Variants in FER1L5 observed in about 807,000 individuals in gnomAD.
FER1L5 encodes fer-1-like protein 5.
FER1L5 carries 187 observed loss-of-function variants against 279.9 expected under a neutral mutation model. The ratio of observed to expected loss-of-function variants is 0.67; its 90% CI spans 0.59 to 0.75. FER1L5 has a LOEUF of 0.75. Ranked by LOEUF, FER1L5 falls within the 30% of genes least tolerant of loss-of-function variation. FER1L5 has a pLI of 0.00. For missense variants in FER1L5, 2,091 were observed against 2,594.4 expected (o/e 0.81, Z 4.21); for synonymous variants, 921 against 989.7 (o/e 0.93, Z 1.30).
intron 19 of FER1L5, among the ~76,000 whole-genome samples, chr2:96,679,599 C>T (rs1240820183): frequency 6.6e-6 from 1 of 152,184 alleles, no homozygotes; most frequent in Non-Finnish European, 1.5e-5. Flanking sequence ...TGTGAATATC[C>T]AGTTGTTCAA....
intron 19 of FER1L5, among the ~76,000 whole-genome samples, chr2:96,673,559 C>T (rs1407323993): frequency 6.6e-6 from 1 of 152,098 alleles, no homozygotes. Flanking sequence ...CCATCCTCCA[C>T]CCACCAATTC....
In FER1L5 at chr2:96,685,943, C is replaced by A. The variant is rs1422323914; in HGVS notation, c.1899C>A (p.Arg633=). 7 of 1,535,914 alleles carry A rather than the reference C, an allele frequency of 4.6e-6. No homozygotes were observed. The African/African-American group carries it at 8.2e-5, about 18-fold the overall frequency. Residue 633 remains arginine (R), a synonymous_variant, in exon 22 of 53, where the codon CGC becomes CGA. Transcript: ENST00000624922. ...TGCTACCCTGTCCTGGCCACAGGCG[C>A]CCTCTGCCCTGCATGACCTATCAGC... ...LLRELAEDCK[R]PLPCMTYQPK...
In FER1L5 at chr2:96,704,811, T is replaced by C; in HGVS notation, c.*119T>C. 1 of 778,520 alleles carries C rather than the reference T, an allele frequency of 1.3e-6. No homozygotes were observed. Among genetic ancestry groups the C allele is most frequent in the Non-Finnish European group, 2.1e-6 (1 of 484,422 alleles). 48.2% of individuals were successfully genotyped at this position (778,520 alleles called of 1,614,324 possible). ...AAGATGCTAGGAATATTCTGGCTATTGTGTTCAGAAATCACTTTCAACAAG... is the reference window on the plus strand; with the variant it reads ...AAGATGCTAGGAATATTCTGGCTATCGTGTTCAGAAATCACTTTCAACAAG... On this transcript the variant is annotated 3_prime_UTR_variant, in exon 53 of 53. Coordinates refer to ENST00000624922, the MANE Select transcript of FER1L5 (RefSeq NM_001293083.2).
chr2:96,656,835 T>C lies in FER1L5; in HGVS notation c.747+2339T>C, dbSNP rs952741595. ...GTGTTTTCTCTGGTCTGGGTTTTGC[T>C]GATTTCATCTTCAGGGAATCATTTT... On this transcript the variant is annotated intron_variant, in intron 9 of 52. Coordinates refer to ENST00000624922, the MANE Select transcript of FER1L5 (RefSeq NM_001293083.2). 2.0e-5 allele frequency among the ~76,000 whole-genome samples: 3 copies of C among 151,488 alleles called. No individual in the cohort carries two copies. The East Asian group carries it at 5.8e-4, about 29-fold the overall frequency.
At chr2:96,650,090 T>C in intron 5 of FER1L5, 90 bp from the exon 6 acceptor site, 1 of 998,076 alleles carries the variant, frequency 1.0e-6, no homozygotes, top group East Asian at 2.6e-5. Context: ...CAGGAGATGG[T>C]CACTGGGGAC....
At chr2:96,696,746 C>T (rs1056477247) in intron 37 of FER1L5, among the ~76,000 whole-genome samples, 2 of 151,022 alleles carry the variant, frequency 1.3e-5, no homozygotes, top group Non-Finnish European at 3.0e-5. Flanking sequence ...ACTAAAAATA[C>T]AAAAAAAAAT....
Position 96,642,927 on chromosome 2 carries a change from A to C in FER1L5, c.85+6A>C, listed in dbSNP as rs762845947. The C allele has an allele frequency of 3.9e-6, 6 of 1,549,784 alleles. No individual in the cohort carries two copies. In the South Asian group the frequency reaches 7.2e-5, roughly 18 times the overall value. ...CATGTCCATCGACTTCAGAGGTGAG[A>C]GCCTCCCTGGGTCCACATGGGAGAG... On this transcript the variant is annotated splice_donor_region_variant and intron_variant, in intron 1 of 52. Coordinates refer to ENST00000624922, the MANE Select transcript of FER1L5 (RefSeq NM_001293083.2).
chr2:96,661,572 C>A, intron 11 of FER1L5, 96 bp from the exon 12 acceptor site: 4 of 1,530,912 alleles, frequency 2.6e-6, no homozygotes, highest in Non-Finnish European at 3.5e-6. Context: ...GTCCCATCCC[C>A]CCTGCACCAA....
At chr2:96,658,793 T>A (rs1199506560) in intron 9 of FER1L5, among the ~76,000 whole-genome samples, 3 of 152,174 alleles carry the variant, frequency 2.0e-5, no homozygotes, top group Non-Finnish European at 2.9e-5. Context: ...TCTTTTCATG[T>A]GCCTGTCATC....
chr2:96,678,231 C>T (rs1243875019), intron 19 of FER1L5, among the ~76,000 whole-genome samples: 2 of 150,572 alleles, frequency 1.3e-5, no homozygotes, highest in African/African-American at 4.9e-5. Flanking sequence ...CGGGTTCAAG[C>T]AATTCTCTTT....
chr2:96,682,671 A>T (rs1467159312), intron 19 of FER1L5, among the ~76,000 whole-genome samples: 4 of 152,144 alleles, frequency 2.6e-5, no homozygotes, highest in Admixed American at 1.3e-4. Flanking sequence ...CCAAGCAGGG[A>T]CCACTTTATT....
chr2:96,661,326 T>C lies in FER1L5; in HGVS notation c.780T>C (p.Gly260=). Residue 260 remains glycine (G), a splice_region_variant and synonymous_variant, in exon 11 of 53, where the codon GGT becomes GGC. Transcript: ENST00000624922. ...TDIGFIYHSP[G]HTLLRKWLGL... is the part of the protein sequence containing the mutation. ...CCCATGGCCTTTCTGCCTCTCTAGG[T>C]CACACACTCCTAAGGAAATGGCTAG... is the stretch of plus-strand genomic sequence containing the variant. 6.5e-7 allele frequency: 1 copy of C among 1,539,100 alleles called. No homozygotes were observed. Among genetic ancestry groups the C allele is most frequent in the Non-Finnish European group, 8.8e-7 (1 of 1,141,168 alleles).
chr2:96,691,078 G>C lies in FER1L5; in HGVS notation c.2744-112G>C. ...CTCCTTTCCACACCTCAGGGCCAGA[G>C]ACCTGGATGTGAGGGAAGTAATGCC... On this transcript the variant is annotated intron_variant, in intron 27 of 52. Coordinates refer to ENST00000624922, the MANE Select transcript of FER1L5 (RefSeq NM_001293083.2). The surrounding 1 kb of genome is among the most constrained non-coding windows in gnomAD (Gnocchi z 6.0). 7.5e-7 allele frequency: 1 copy of C among 1,333,314 alleles called. No individual in the cohort carries two copies. Among genetic ancestry groups the C allele is most frequent in the South Asian group, 1.5e-5 (1 of 65,702 alleles). The allele number at this position is 1,333,314 out of a possible 1,614,324, so 82.6% of individuals were successfully genotyped here.
intron 19 of FER1L5, among the ~76,000 whole-genome samples, chr2:96,677,507 G>A (rs2076551379): frequency 6.6e-6 from 1 of 152,118 alleles, no homozygotes; most frequent in African/African-American, 2.4e-5. Context: ...TCGTATGGGT[G>A]TACCATCCAT....
intron 14 of FER1L5, among the ~76,000 whole-genome samples, chr2:96,667,928 A>G (rs570486986): frequency 1.6e-3 from 247 of 152,070 alleles, no homozygotes; most frequent in Middle Eastern, 6.8e-3. Flanking sequence ...TGGCACGATC[A>G]TGGTTCACTG....
At chr2:96,659,415 T>TTCTG (rs2075816803) in intron 9 of FER1L5, among the ~76,000 whole-genome samples, 2 of 6,802 alleles carry the variant, frequency 2.9e-4, no homozygotes, top group African/African-American at 9.3e-4. Flanking sequence ...CTTTCTTTCT[T>TTCTG]TCTTTCTTTC....
At position 96,647,824 on chromosome 2, in the gene FER1L5, C is replaced by G; in HGVS notation, c.277C>G (p.Pro93Ala). 1.3e-6 allele frequency: 2 copies of G among 1,551,780 alleles called. No individual in the cohort carries two copies. The highest frequency in any genetic ancestry group is 1.7e-6 in the Non-Finnish European group (2 of 1,147,008). ...TVLLKPLLKQ[P>A]SEVLFVKDLT... ...ACTGCTCAAGCCATTGTTGAAACAACCAAGTGAGGTCCTTTTTGTGAAGGA... is the reference window on the plus strand; with the variant it reads ...ACTGCTCAAGCCATTGTTGAAACAAGCAAGTGAGGTCCTTTTTGTGAAGGA... Residue 93 changes from proline (P) to alanine (A), a missense_variant, in exon 4 of 53, where the codon CCA becomes GCA. By Grantham distance (27) the Pro-to-Ala change is conservative (BLOSUM62 -1). Transcript: ENST00000624922.
chr2:96,665,572 T>C (rs1233356190), intron 14 of FER1L5, among the ~76,000 whole-genome samples: 1 of 151,990 alleles, frequency 6.6e-6, no homozygotes, highest in East Asian at 1.9e-4. Context: ...GGAAATCTTC[T>C]TTTTTCATCT....
At chr2:96,693,874 G>A (rs1045863687) in intron 32 of FER1L5, 37 bp from the exon 33 acceptor site, 1 of 1,516,114 alleles carries the variant, frequency 6.6e-7, no homozygotes, top group Non-Finnish European at 8.8e-7. Flanking sequence ...GGCCCTGCCA[G>A]CATGGCCTCC....
Sources: allele counts gnomAD v4.1 joint callset (sites outside exome capture counted in the v4.1 genomes callset), GRCh38; gene constraint gnomAD v4.1.1; non-coding constraint Gnocchi (gnomAD v3.1); transcripts MANE v1.5; gene names NCBI Gene and HGNC (gene_info 2026-07-23, HGNC 2026-07-21).